Variants in CPED1 observed in about 807,000 individuals in gnomAD.
CPED1 encodes the protein cadherin like and PC-esterase domain containing 1, also known as cadherin-like and PC-esterase domain-containing protein 1.
In CPED1, 114 loss-of-function variants were observed where a neutral mutation model predicts 128.2. That is an observed-to-expected ratio of 0.89 (90% CI 0.76 to 1.04). The LOEUF is 1.04. CPED1 is among the 50% of genes least tolerant of loss of function. CPED1 has a pLI of 0.00. For synonymous variants in CPED1, 462 were observed against 426.7 expected, an observed-to-expected ratio of 1.08 and a Z score of -1.02; for missense variants, 1,211 against 1,207.1, an observed-to-expected ratio of 1.00 and a Z score of -0.05.
intron 16 of CPED1, among the ~76,000 whole-genome samples, chr7:121,167,730 T>G (rs1197049915): frequency 4.1e-5 from 2 of 48,254 alleles, no homozygotes; most frequent in Non-Finnish European, 1.0e-4. Context: ...AGTCTATTTT[T>G]TTTTTTTTTT....
chr7:121,104,702 TAA>T lies in CPED1; in HGVS notation c.918+4610_918+4611del, dbSNP rs1261678865. Among the ~76,000 whole-genome samples the T allele has an allele frequency of 5.9e-5, 9 of 152,262 alleles. No homozygotes were observed. In the East Asian group the frequency reaches 1.7e-3, roughly 29 times the overall value. On this transcript the variant is annotated intron_variant, in intron 7 of 22. Coordinates refer to ENST00000310396, the MANE Select transcript of CPED1 (RefSeq NM_024913.5). ...GCTATTCCATATTTGACATCAGATA[TAA>T]AGTTATATGAAGATGATTCCTTGCA... is the stretch of plus-strand genomic sequence containing the variant.
intron 16 of CPED1, among the ~76,000 whole-genome samples, chr7:121,154,200 C>A (rs1230838398): frequency 6.6e-6 from 1 of 152,340 alleles, no homozygotes; most frequent in Middle Eastern, 3.4e-3. Context: ...TGACACTAAT[C>A]ATCTCCATAT....
intron 16 of CPED1, among the ~76,000 whole-genome samples, chr7:121,229,709 G>A (rs1206339396): frequency 6.6e-6 from 1 of 151,984 alleles, no homozygotes. Context: ...AATGATGGAA[G>A]CTAAAATTCC....
intron 5 of CPED1, among the ~76,000 whole-genome samples, chr7:121,067,885 T>C (rs1162329923): frequency 2.6e-5 from 4 of 152,244 alleles, no homozygotes; most frequent in Non-Finnish European, 2.9e-5. Flanking sequence ...CATTTTTTCA[T>C]GTGTGTTTTG....
chr7:121,048,353 C>T (rs2538485), intron 4 of CPED1, among the ~76,000 whole-genome samples: 123,821 of 152,074 alleles, frequency 0.81, 50,510 homozygotes, highest in Admixed American at 0.87. Context: ...GCTTCTGTTT[C>T]GTTTGTTGTA....
chr7:121,000,390 A>G (rs1170805187), intron 2 of CPED1, among the ~76,000 whole-genome samples: 9 of 152,176 alleles, frequency 5.9e-5, no homozygotes. Flanking sequence ...CGTGACAATA[A>G]AAGACTGAGT....
rs75453971 is a variant in CPED1, at chr7:121,283,943, A to C, written c.2869-11497A>C. ...TGTTTAGTGAAACACTTTTTTCAGC[A>C]GTTACTTATAGTTGCTCACAGTATC... is the stretch of plus-strand genomic sequence containing the variant. On this transcript the variant is annotated intron_variant, in intron 22 of 22. Coordinates refer to ENST00000310396, the MANE Select transcript of CPED1 (RefSeq NM_024913.5). Among the ~76,000 whole-genome samples, 1,200 of 152,262 alleles carry C rather than the reference A, an allele frequency of 7.9e-3. 22 individuals are homozygous for C. The highest frequency in any genetic ancestry group is 0.027 in the African/African-American group (1,142 of 41,558).
At chr7:121,261,075 G>A (rs1792006372) in intron 18 of CPED1, among the ~76,000 whole-genome samples, 1 of 151,898 alleles carries the variant, frequency 6.6e-6, no homozygotes, top group Admixed American at 6.6e-5. Flanking sequence ...CTTTAACTAT[G>A]TCCTGGTTAC....
chr7:121,168,656 T>C (rs1796586838), intron 16 of CPED1, among the ~76,000 whole-genome samples: 1 of 152,238 alleles, frequency 6.6e-6, no homozygotes, highest in Non-Finnish European at 1.5e-5. Flanking sequence ...AATAGCCTAT[T>C]GTGATATCAA....
chr7:121,032,956 T>C (rs1339417108), intron 3 of CPED1, among the ~76,000 whole-genome samples: 2 of 152,170 alleles, frequency 1.3e-5, no homozygotes, highest in African/African-American at 4.8e-5. Flanking sequence ...ATTACCCAGC[T>C]TCCTCTGTAT....
chr7:121,034,516 G>A (rs1206885699), intron 3 of CPED1, among the ~76,000 whole-genome samples: 2 of 152,072 alleles, frequency 1.3e-5, no homozygotes, highest in African/African-American at 4.8e-5. Context: ...AAAGTGCTGA[G>A]ATTACAGGTG....
intron 5 of CPED1, among the ~76,000 whole-genome samples, chr7:121,068,981 T>A (rs1480213767): frequency 6.6e-6 from 1 of 152,156 alleles, no homozygotes; most frequent in African/African-American, 2.4e-5. Context: ...GAATCTTTAA[T>A]AATGTGCAGT....
intron 16 of CPED1, among the ~76,000 whole-genome samples, chr7:121,215,299 T>C (rs562730741): frequency 5.5e-4 from 84 of 152,216 alleles, no homozygotes; most frequent in African/African-American, 2.0e-3. Context: ...TCAGGCCCTA[T>C]ACTCAGTCAT....
chr7:121,267,046 C>CT, intron 20 of CPED1, among the ~76,000 whole-genome samples, 169 bp from the exon 21 acceptor site: 1 of 152,056 alleles, frequency 6.6e-6, no homozygotes, highest in Middle Eastern at 3.4e-3. Context: ...ACCTAAAACT[C>CT]TATCTTAAAA....
At chr7:121,226,740 A>G (rs1798023792) in intron 16 of CPED1, among the ~76,000 whole-genome samples, 1 of 152,066 alleles carries the variant, frequency 6.6e-6, no homozygotes, top group Non-Finnish European at 1.5e-5. Flanking sequence ...AAAACATTCA[A>G]TTTTGGGATA....
intron 3 of CPED1, among the ~76,000 whole-genome samples, chr7:121,028,686 A>G (rs1044832863): frequency 4.6e-5 from 7 of 152,182 alleles, no homozygotes; most frequent in Admixed American, 4.6e-4. Flanking sequence ...ACTGTGGAAA[A>G]AACATTGGCC....
At chr7:121,028,163 C>A (rs188112384) in intron 3 of CPED1, among the ~76,000 whole-genome samples, 1 of 152,204 alleles carries the variant, frequency 6.6e-6, no homozygotes, top group East Asian at 1.9e-4. Flanking sequence ...TTGCTGGGCC[C>A]TACTCACAGT....
At chr7:121,171,214 A>G (rs996201600) in intron 16 of CPED1, among the ~76,000 whole-genome samples, 2 of 152,212 alleles carry the variant, frequency 1.3e-5, no homozygotes, top group African/African-American at 4.8e-5. Flanking sequence ...CCCTGCTACC[A>G]TTTAAATTTA....
chr7:121,142,200 G>A (rs1019344635), intron 16 of CPED1, 59 bp downstream of exon 16: 19 of 1,370,638 alleles, frequency 1.4e-5, no homozygotes, highest in Admixed American at 2.1e-5. Context: ...TAACCCAGGC[G>A]GAAAATGCCA....
Sources: allele counts gnomAD v4.1 joint callset (sites outside exome capture counted in the v4.1 genomes callset), GRCh38; gene constraint gnomAD v4.1.1; transcripts MANE v1.5; gene names NCBI Gene and HGNC (gene_info 2026-07-23, HGNC 2026-07-21).